Variants in CASQ2 observed in about 807,000 individuals in gnomAD.
CASQ2 encodes calsequestrin-2.
A neutral mutation model predicts 46.5 loss-of-function variants in CASQ2; 49 were observed. The ratio of observed to expected loss-of-function variants is 1.05; its 90% CI spans 0.84 to 1.34. The LOEUF is 1.34. CASQ2 is among the 40% of genes most tolerant of loss of function. CASQ2 has a pLI of 0.00. For missense variants in CASQ2, 486 were observed against 481.3 expected, an observed-to-expected ratio of 1.01 and a Z score of -0.09; for synonymous variants, 174 against 168.5, an observed-to-expected ratio of 1.03 and a Z score of -0.25.
At chr1:115,725,989 T>C (rs1186728109) in intron 6 of CASQ2, among the ~76,000 whole-genome samples, 1 of 152,236 alleles carries the variant, frequency 6.6e-6, no homozygotes, top group African/African-American at 2.4e-5. Flanking sequence ...ATCTGGTGTA[T>C]ACATTGAAAG....
At chr1:115,733,465 C>A (rs1647859443) in intron 4 of CASQ2, among the ~76,000 whole-genome samples, 1 of 152,134 alleles carries the variant, frequency 6.6e-6, no homozygotes, top group African/African-American at 2.4e-5. Flanking sequence ...TGGAAGTACT[C>A]CTGTTGCTGA....
intron 3 of CASQ2, among the ~76,000 whole-genome samples, chr1:115,739,130 G>GTTTTTT (rs1570832895): frequency 8.7e-6 from 1 of 115,272 alleles, no homozygotes; most frequent in African/African-American, 2.9e-5. Context: ...CTTTCTTTTT[G>GTTTTTT]AGATGGAGTC....
chr1:115,714,381 C>T (rs1261028065), intron 8 of CASQ2, among the ~76,000 whole-genome samples: 4 of 152,166 alleles, frequency 2.6e-5, no homozygotes, highest in Non-Finnish European at 5.9e-5. Context: ...TCACGTTCCT[C>T]ATCTGACACT....
intron 1 of CASQ2, among the ~76,000 whole-genome samples, chr1:115,764,410 C>T (rs1020874272): frequency 6.6e-6 from 1 of 152,032 alleles, no homozygotes; most frequent in Admixed American, 6.6e-5. Context: ...GAAAAAAATA[C>T]TGGAAAGAAA....
intron 8 of CASQ2, among the ~76,000 whole-genome samples, chr1:115,715,696 A>T (rs1282722825): frequency 6.6e-6 from 1 of 152,234 alleles, no homozygotes; most frequent in Non-Finnish European, 1.5e-5. Flanking sequence ...TATATGGATT[A>T]TATCTTGATT....
At chr1:115,740,936 T>C in intron 2 of CASQ2, 108 bp from the exon 3 acceptor site, 2 of 750,552 alleles carry the variant, frequency 2.7e-6, no homozygotes. Flanking sequence ...GGGTCAGGAT[T>C]AGTGGAACTA....
At chr1:115,741,647 C>T (rs903744515) in intron 2 of CASQ2, among the ~76,000 whole-genome samples, 1 of 152,182 alleles carries the variant, frequency 6.6e-6, no homozygotes, top group African/African-American at 2.4e-5. Flanking sequence ...AGCTGAATCC[C>T]ACACATCTTC....
chr1:115,755,677 G>A (rs1426067618), intron 1 of CASQ2, among the ~76,000 whole-genome samples: 1 of 152,210 alleles, frequency 6.6e-6, no homozygotes, highest in Non-Finnish European at 1.5e-5. Flanking sequence ...GAGAGTGGGA[G>A]TTTTCAATGT....
intron 8 of CASQ2, among the ~76,000 whole-genome samples, chr1:115,716,428 A>G (rs1484086043): frequency 3.9e-5 from 6 of 152,236 alleles, no homozygotes; most frequent in Non-Finnish European, 8.8e-5. Context: ...AGCACAGACA[A>G]TATTTTATGG....
chr1:115,714,971 T>C (rs1654653713), intron 8 of CASQ2, among the ~76,000 whole-genome samples: 1 of 152,182 alleles, frequency 6.6e-6, no homozygotes, highest in Non-Finnish European at 1.5e-5. Flanking sequence ...GCAATCTCGG[T>C]CAAACAGGTT....
At chr1:115,743,351 C>G (rs879492265) in intron 2 of CASQ2, among the ~76,000 whole-genome samples, 2 of 152,010 alleles carry the variant, frequency 1.3e-5, no homozygotes, top group Non-Finnish European at 2.9e-5. Flanking sequence ...TCAAGCCATT[C>G]TCTCATCCCA....
At chr1:115,703,194 A>G (rs1373269232) in intron 9 of CASQ2, among the ~76,000 whole-genome samples, 199 bp from the exon 10 acceptor site, 1 of 152,244 alleles carries the variant, frequency 6.6e-6, no homozygotes, top group Non-Finnish European at 1.5e-5. Context: ...GACACAGCAT[A>G]AATTATGGAA....
At chr1:115,740,944 C>A in intron 2 of CASQ2, 116 bp from the exon 3 acceptor site, 3 of 724,920 alleles carry the variant, frequency 4.1e-6, no homozygotes, top group Non-Finnish European at 2.5e-6. Context: ...ATTAGTGGAA[C>A]TAGCATTAAC....
chr1:115,746,056 T>A lies in CASQ2; in HGVS notation c.235-1144A>T, dbSNP rs74831594. On this transcript the variant is annotated intron_variant, in intron 1 of 10. Transcript: ENST00000261448. ...CTATAATTTTGTCATTTCAAGAATG[T>A]TATGTAAATGGAATTATATAGTATG... Among the ~76,000 whole-genome samples the A allele has an allele frequency of 2.3e-3, 346 of 152,324 alleles. 11 individuals are homozygous for A. In the East Asian group the frequency reaches 0.062, roughly 27 times the overall value.
chr1:115,724,556 C>T (rs1647506219), intron 7 of CASQ2, among the ~76,000 whole-genome samples: 1 of 152,224 alleles, frequency 6.6e-6, no homozygotes, highest in Admixed American at 6.5e-5. Flanking sequence ...AAATGCTCCA[C>T]AGCCTTTGTT....
chr1:115,712,231 C>G (rs867670466), intron 8 of CASQ2, among the ~76,000 whole-genome samples: 1 of 152,182 alleles, frequency 6.6e-6, no homozygotes, highest in Admixed American at 6.5e-5. Flanking sequence ...CAGACATCCG[C>G]GTAGGACAGG....
chr1:115,746,747 G>A (rs1335440874), intron 1 of CASQ2, among the ~76,000 whole-genome samples: 1 of 151,750 alleles, frequency 6.6e-6, no homozygotes, highest in Non-Finnish European at 1.5e-5. Flanking sequence ...TGGTTTACAA[G>A]CATTTTTTTT....
At chr1:115,709,279 T>C (rs1380927715) in intron 8 of CASQ2, among the ~76,000 whole-genome samples, 1 of 152,258 alleles carries the variant, frequency 6.6e-6, no homozygotes, top group East Asian at 1.9e-4. Flanking sequence ...CCTCCCTTTT[T>C]GACCAGGAAG....
chr1:115,760,703 G>A (rs1648906801), intron 1 of CASQ2, among the ~76,000 whole-genome samples: 1 of 152,178 alleles, frequency 6.6e-6, no homozygotes, highest in African/African-American at 2.4e-5. Flanking sequence ...CACCTGTGGG[G>A]ATAAGACCCA....
Sources: allele counts gnomAD v4.1 joint callset (sites outside exome capture counted in the v4.1 genomes callset), GRCh38; gene constraint gnomAD v4.1.1; transcripts MANE v1.5; gene names NCBI Gene and HGNC (gene_info 2026-07-23, HGNC 2026-07-21).